The following LYN variants were observed in gnomAD, a reference collection of about 807,000 sequenced individuals.
LYN encodes LYN proto-oncogene, Src family tyrosine kinase, also known as tyrosine-protein kinase Lyn.
LYN carries 12 observed loss-of-function variants against 65.0 expected under a neutral mutation model. The observed-to-expected ratio is 0.18, with a 90% CI of 0.12 to 0.30. The LOEUF (loss-of-function observed/expected upper bound fraction) is 0.30, where lower values mean the gene tolerates loss of function less well. Among genes scored for constraint, LYN ranks in the 10% least tolerant of loss-of-function variants. The probability of loss-of-function intolerance (pLI) is 1.00; values close to 1 mark genes in which losing one functional copy is unlikely to be tolerated. For missense variants in LYN, 380 were observed against 623.2 expected, an observed-to-expected ratio of 0.61 and a Z score of 4.16; for synonymous variants, 222 against 221.2, an observed-to-expected ratio of 1.00 and a Z score of -0.03.
chr8:55,915,079 G>T (rs997235901), intron 1 of LYN, among the ~76,000 whole-genome samples: 24 of 152,166 alleles, frequency 1.6e-4, no homozygotes, highest in African/African-American at 4.8e-4. Context: ...ATGGGCTGAT[G>T]ACGCTGCTTG....
chr8:55,961,122 C>T (rs1807259996), intron 8 of LYN, among the ~76,000 whole-genome samples: 2 of 152,182 alleles, frequency 1.3e-5, no homozygotes, highest in Non-Finnish European at 2.9e-5. Flanking sequence ...TAATCACCAA[C>T]CCACTTCCAA....
intron 1 of LYN, among the ~76,000 whole-genome samples, chr8:55,898,311 C>G (rs1563499299): frequency 2.0e-5 from 3 of 152,066 alleles, no homozygotes; most frequent in Non-Finnish European, 2.9e-5. Flanking sequence ...TGTTTTGAGA[C>G]AGAGTCTCCC....
intron 8 of LYN, among the ~76,000 whole-genome samples, chr8:55,958,952 C>G (rs1283276582): frequency 6.6e-6 from 1 of 152,202 alleles, no homozygotes; most frequent in African/African-American, 2.4e-5. Context: ...ACCTTATTTT[C>G]CATTCCTTTG....
chr8:55,984,336 G>A (rs761551788), intron 10 of LYN, among the ~76,000 whole-genome samples: 1 of 152,162 alleles, frequency 6.6e-6, no homozygotes, highest in Non-Finnish European at 1.5e-5. Flanking sequence ...GCCCCTGCTG[G>A]CTCAGCATCT....
At chr8:56,007,028 C>T (rs776158163) in intron 12 of LYN, among the ~76,000 whole-genome samples, 10 of 152,132 alleles carry the variant, frequency 6.6e-5, no homozygotes, top group Non-Finnish European at 1.3e-4. Flanking sequence ...CCAGCATCAT[C>T]GAGAGTCCTT....
intron 1 of LYN, among the ~76,000 whole-genome samples, chr8:55,904,182 CGAT>C (rs1805356792): frequency 6.6e-6 from 1 of 151,874 alleles, no homozygotes; most frequent in Non-Finnish European, 1.5e-5. Flanking sequence ...GAAATAAGTA[CGAT>C]GAACAATTTT....
Position 55,898,817 on chromosome 8 carries a change from A to C in LYN, c.-6+18714A>C, listed in dbSNP as rs376002964. Among the ~76,000 whole-genome samples, 21 of 152,064 alleles carry C rather than the reference A, an allele frequency of 1.4e-4. No individual in the cohort carries two copies. In the East Asian group the frequency reaches 3.7e-3, roughly 27 times the overall value. On this transcript the variant is annotated intron_variant, in intron 1 of 12. Transcript: ENST00000519728. Reference sequence around the variant, plus strand: ...TTCTAGCTCTATAATAAATTTTAGGAAACTGGTTTTAATGATTTCCTTTTT... The same window carrying C: ...TTCTAGCTCTATAATAAATTTTAGGCAACTGGTTTTAATGATTTCCTTTTT...
At chr8:55,915,693 C>T (rs933184016) in intron 1 of LYN, among the ~76,000 whole-genome samples, 2 of 151,886 alleles carry the variant, frequency 1.3e-5, no homozygotes, top group African/African-American at 4.8e-5. Context: ...GCGAGAAGAG[C>T]AAGACTCCGT....
chr8:55,958,031 G>A (rs1807170427), intron 8 of LYN, among the ~76,000 whole-genome samples: 2 of 152,306 alleles, frequency 1.3e-5, no homozygotes, highest in South Asian at 2.1e-4. Context: ...GTGTCAGTGC[G>A]TCCTGCAGGG....
intron 1 of LYN, among the ~76,000 whole-genome samples, chr8:55,906,953 A>G (rs532702133): frequency 6.6e-6 from 1 of 152,276 alleles, no homozygotes; most frequent in South Asian, 2.1e-4. Context: ...TGCAAAACAG[A>G]CTGACCAAAT....
rs548468502 is a variant in LYN at position 55,907,684 on chromosome 8, T to C, written c.-6+27581T>C. Among the ~76,000 whole-genome samples, 388 of 152,144 alleles carry C rather than the reference T, an allele frequency of 2.6e-3. 1 individual carries two copies. Among genetic ancestry groups the C allele is most frequent in the African/African-American group, 8.9e-3 (369 of 41,480 alleles). ...GAGTTCAAGACCAGCCTAGGCAACA[T>C]AGGGAGACCCTGTTTCTACAAAAAT... On this transcript the variant is annotated intron_variant, in intron 1 of 12. Transcript: ENST00000519728.
intron 10 of LYN, 96 bp downstream of exon 10, chr8:55,969,889 T>A: frequency 9.4e-7 from 1 of 1,064,612 alleles, no homozygotes; most frequent in South Asian, 1.3e-5. Context: ...AGAAGGAATT[T>A]CTGTTGAATG....
At chr8:55,985,377 A>G (rs535868502) in intron 10 of LYN, among the ~76,000 whole-genome samples, 1 of 152,340 alleles carries the variant, frequency 6.6e-6, no homozygotes, top group South Asian at 2.1e-4. Flanking sequence ...CAGACGTCAC[A>G]GGCTTCCCTC....
intron 1 of LYN, among the ~76,000 whole-genome samples, chr8:55,891,994 A>C (rs1478842181): frequency 7.9e-5 from 12 of 152,244 alleles, no homozygotes; most frequent in Admixed American, 7.8e-4. Context: ...ACAAAGGCAG[A>C]GATTGTGGAT....
At chr8:55,997,445 A>C (rs1210461027) in intron 10 of LYN, among the ~76,000 whole-genome samples, 4 of 152,146 alleles carry the variant, frequency 2.6e-5, no homozygotes, top group Non-Finnish European at 5.9e-5. Flanking sequence ...TTCATGTCTG[A>C]TGAGGGGCCA....
At chr8:55,951,906 T>C (rs1806961337) in intron 6 of LYN, 60 bp from the exon 7 acceptor site, 1 of 1,366,836 alleles carries the variant, frequency 7.3e-7, no homozygotes, top group Non-Finnish European at 1.0e-6. Flanking sequence ...CTGCAGTTGT[T>C]GTATAATGCA....
At chr8:55,940,273 T>G (rs1806569639) in intron 1 of LYN, 2 of 152,284 alleles carry the variant, frequency 1.3e-5, no homozygotes, top group African/African-American at 4.8e-5. Context: ...GGGAGCAGCA[T>G]GCTCCCACTG....
intron 2 of LYN, among the ~76,000 whole-genome samples, chr8:55,945,423 G>T (rs1806743813): frequency 6.6e-6 from 1 of 152,222 alleles, no homozygotes; most frequent in Non-Finnish European, 1.5e-5. Flanking sequence ...AGGATAGTAT[G>T]CAGCCATGGG....
chr8:55,978,716 G>A (rs1460518998), intron 10 of LYN, among the ~76,000 whole-genome samples: 1 of 152,216 alleles, frequency 6.6e-6, no homozygotes, highest in Non-Finnish European at 1.5e-5. Flanking sequence ...TGGGGTTGCA[G>A]CGCAGGCGAC....
Sources: allele counts gnomAD v4.1 joint callset (sites outside exome capture counted in the v4.1 genomes callset), GRCh38; gene constraint gnomAD v4.1.1; transcripts MANE v1.5; gene names NCBI Gene and HGNC (gene_info 2026-07-23, HGNC 2026-07-21).